Variants in LAMA4 observed in about 807,000 individuals in gnomAD.
LAMA4 encodes the protein laminin subunit alpha 4.
Under a neutral mutation model 207.1 loss-of-function variants are expected in LAMA4, and 127 were observed. That is an observed-to-expected ratio of 0.61 (90% CI 0.53 to 0.71). LAMA4 has a LOEUF of 0.71. Ranked by LOEUF, LAMA4 falls within the 30% of genes least tolerant of loss-of-function variation. The pLI is 0.00. For missense variants in LAMA4, 2,093 were observed against 2,246.5 expected (o/e 0.93, Z 1.38); for synonymous variants, 761 against 816.0 (o/e 0.93, Z 1.15).
At chr6:112,227,041 T>TTTTATTTA (rs10610325) in intron 2 of LAMA4, among the ~76,000 whole-genome samples, 13,667 of 141,606 alleles carry the variant, frequency 0.097, 794 homozygotes, top group Middle Eastern at 0.17. Context: ...GCTTCGACTA[T>TTTTATTTA]TTTATTTATT....
intron 12 of LAMA4, among the ~76,000 whole-genome samples, chr6:112,167,075 G>A (rs1462692378): frequency 2.6e-5 from 4 of 152,162 alleles, no homozygotes; most frequent in Non-Finnish European, 5.9e-5. Flanking sequence ...TGGAGATAGA[G>A]GTAAGATGAC....
chr6:112,162,827 G>A (rs1554338751), intron 13 of LAMA4, among the ~76,000 whole-genome samples: 2 of 152,102 alleles, frequency 1.3e-5, no homozygotes, highest in African/African-American at 2.4e-5. Flanking sequence ...GTGTGTAATT[G>A]TTCTTTAAAG....
Position 112,178,141 on chromosome 6 carries a change from T to A in LAMA4, c.1169A>T (p.Asp390Val). 6.2e-7 allele frequency: 1 copy of A among 1,612,712 alleles called. No individual in the cohort carries two copies. The highest frequency in any genetic ancestry group is 1.1e-5 in the South Asian group (1 of 91,048). Residue 390 changes from aspartate to valine, a missense_variant, in exon 10 of 39, where the codon GAT becomes GTT. Coordinates refer to ENST00000230538, the MANE Select transcript of LAMA4 (RefSeq NM_001105206.3). ...TTTACCTTGGATTTTATCCCTCATATCATGGGCTTGCTCTACCAGCTGACT... is the reference window on the plus strand; with the variant it reads ...TTTACCTTGGATTTTATCCCTCATAACATGGGCTTGCTCTACCAGCTGACT... ...HASQLVEQAH[D>V]MRDKIQEINN...
intron 9 of LAMA4, among the ~76,000 whole-genome samples, chr6:112,180,588 G>T (rs1215017226): frequency 1.3e-5 from 2 of 152,164 alleles, no homozygotes; most frequent in African/African-American, 4.8e-5. Context: ...TTAGTCATTT[G>T]CTCATCTCAA....
intron 38 of LAMA4, among the ~76,000 whole-genome samples, chr6:112,112,390 C>T (rs782001938): frequency 2.6e-5 from 4 of 152,066 alleles, no homozygotes; most frequent in East Asian, 1.9e-4. Context: ...GGGGAGATCC[C>T]GAAGGCAGGG....
chr6:112,192,230 C>T (rs1381049412), intron 5 of LAMA4, among the ~76,000 whole-genome samples: 6 of 152,196 alleles, frequency 3.9e-5, no homozygotes, highest in African/African-American at 9.7e-5. Context: ...CTAGCCACAA[C>T]GTTAATAGCA....
At chr6:112,139,944 C>T in intron 22 of LAMA4, 59 bp from the exon 23 acceptor site, 2 of 1,547,636 alleles carry the variant, frequency 1.3e-6, no homozygotes, top group South Asian at 1.1e-5. Context: ...TCAGACATCA[C>T]AGAACAGACA....
chr6:112,149,082 T>C (rs1383022631), intron 17 of LAMA4, among the ~76,000 whole-genome samples: 1 of 149,978 alleles, frequency 6.7e-6, no homozygotes, highest in Non-Finnish European at 1.5e-5. Context: ...TTTGAAGTTA[T>C]ACCATCACCT....
intron 18 of LAMA4, among the ~76,000 whole-genome samples, chr6:112,145,602 A>G (rs139802189): frequency 4.7e-4 from 71 of 152,304 alleles, no homozygotes; most frequent in African/African-American, 1.5e-3. Flanking sequence ...GAACAGAACT[A>G]TATTTCACCT....
intron 2 of LAMA4, among the ~76,000 whole-genome samples, chr6:112,229,951 G>T (rs541644289): frequency 6.6e-6 from 1 of 152,130 alleles, no homozygotes; most frequent in Admixed American, 6.5e-5. Context: ...AAAGAATCAA[G>T]AACGTTTCAT....
At chr6:112,125,034 C>T (rs1778606306) in intron 31 of LAMA4, among the ~76,000 whole-genome samples, 7 of 152,092 alleles carry the variant, frequency 4.6e-5, no homozygotes, top group Admixed American at 3.9e-4. Flanking sequence ...GGATTACAGG[C>T]GTGAGCCACC....
chr6:112,178,067 AATAAC>A, intron 10 of LAMA4, 49 bp downstream of exon 10: 1 of 1,254,526 alleles, frequency 8.0e-7, no homozygotes, highest in Non-Finnish European at 1.2e-6. Flanking sequence ...TACTGATGTT[AATAAC>A]ATAAGTGTTT....
At chr6:112,144,221 C>G (rs1370562323) in intron 19 of LAMA4, among the ~76,000 whole-genome samples, 1 of 152,212 alleles carries the variant, frequency 6.6e-6, no homozygotes, top group Non-Finnish European at 1.5e-5. Flanking sequence ...TAAGTTGCTT[C>G]TATATGTGTC....
At chr6:112,179,910 CT>C (rs781915890) in intron 9 of LAMA4, 12 of 532,910 alleles carry the variant, frequency 2.3e-5, no homozygotes, top group South Asian at 1.7e-4. Context: ...CATTATACTC[CT>C]TCCTGCAATT....
chr6:112,248,232 G>C (rs1222130633), intron 2 of LAMA4, among the ~76,000 whole-genome samples: 1 of 152,154 alleles, frequency 6.6e-6, no homozygotes, highest in African/African-American at 2.4e-5. Context: ...CAGGTGCAGT[G>C]GCTCATGCCT....
At chr6:112,141,828 A>G (rs1312042617) in intron 20 of LAMA4, among the ~76,000 whole-genome samples, 1 of 152,218 alleles carries the variant, frequency 6.6e-6, no homozygotes, top group East Asian at 1.9e-4. Context: ...AGGATTCAGC[A>G]TCAAACAGAA....
chr6:112,204,264 G>C (rs1401564298), intron 4 of LAMA4, among the ~76,000 whole-genome samples: 1 of 152,172 alleles, frequency 6.6e-6, no homozygotes, highest in Non-Finnish European at 1.5e-5. Flanking sequence ...TTTTATACCA[G>C]TGTATAATAA....
chr6:112,139,972 T>G, intron 22 of LAMA4, 87 bp from the exon 23 acceptor site: 2 of 1,327,804 alleles, frequency 1.5e-6, no homozygotes, highest in South Asian at 2.4e-5. Context: ...TAATAGTAGG[T>G]CAAGGAGACC....
chr6:112,155,324 T>C (rs782635116), intron 15 of LAMA4: 1 of 577,478 alleles, frequency 1.7e-6, no homozygotes, highest in Non-Finnish European at 3.1e-6. Flanking sequence ...TTTCAGGGAC[T>C]TTGGCTAAAA....
Sources: allele counts gnomAD v4.1 joint callset (sites outside exome capture counted in the v4.1 genomes callset), GRCh38; gene constraint gnomAD v4.1.1; transcripts MANE v1.5; gene names NCBI Gene and HGNC (gene_info 2026-07-23, HGNC 2026-07-21).